The following MFSD2A variants were observed in gnomAD, a reference collection of about 807,000 sequenced individuals.
MFSD2A encodes the protein sodium-dependent lysophosphatidylcholine symporter 1.
MFSD2A carries 27 observed loss-of-function variants against 64.7 expected under a neutral mutation model. That is an observed-to-expected ratio of 0.42 (90% CI 0.31 to 0.58). MFSD2A has a LOEUF of 0.58. Among genes scored for constraint, MFSD2A ranks in the 20% least tolerant of loss-of-function variants. The pLI is 0.18. For synonymous variants in MFSD2A, 258 were observed against 273.4 expected, an observed-to-expected ratio of 0.94 and a Z score of 0.55; for missense variants, 474 against 679.5, an observed-to-expected ratio of 0.70 and a Z score of 3.36.
chr1:39,957,077 C>T lies in MFSD2A; in HGVS notation c.94-10C>T. On this transcript the variant is annotated splice_polypyrimidine_tract_variant and intron_variant, in intron 1 of 13. Transcript: ENST00000372811. The stretch of plus-strand genomic sequence containing the variant: ...ACCTTGGGCCTTTCATCTTTTCCTC[C>T]TCTTCCCAGAAAGAACCGAAAAAGA... The T allele has an allele frequency of 6.2e-7, 1 of 1,614,106 alleles. No individual in the cohort carries two copies. Among genetic ancestry groups the T allele is most frequent in the Admixed American group, 1.7e-5 (1 of 60,002 alleles).
intron 6 of MFSD2A, 127 bp downstream of exon 6, chr1:39,966,141 T>C (rs993942360): frequency 1.8e-6 from 2 of 1,092,926 alleles, no homozygotes; most frequent in Non-Finnish European, 2.6e-6. Context: ...ACATAACAAT[T>C]AATGCACCCA....
At chr1:39,961,830 T>C (rs551498858) in intron 3 of MFSD2A, among the ~76,000 whole-genome samples, 1 of 152,310 alleles carries the variant, frequency 6.6e-6, no homozygotes, top group African/African-American at 2.4e-5. Context: ...AAGACTTTGA[T>C]AGTCACTTTG....
intron 9 of MFSD2A, 195 bp from the exon 10 acceptor site, chr1:39,967,433 G>A (rs1645187751): frequency 7.9e-6 from 5 of 633,634 alleles, no homozygotes; most frequent in Non-Finnish European, 1.1e-5. Context: ...GAGGGCAGCA[G>A]ACAAGGTGGG....
Position 39,963,262 on chromosome 1 carries a change from G to T in MFSD2A, c.354-1949G>T. The T allele has an allele frequency of 6.7e-7, 1 of 1,483,530 alleles. No homozygotes were observed. Among genetic ancestry groups the T allele is most frequent in the Non-Finnish European group, 9.3e-7 (1 of 1,078,570 alleles). 91.9% of individuals were successfully genotyped at this position (1,483,530 alleles called of 1,614,324 possible). ...GCCACCCTGGGCAGCTTTGCCAAGG[G>T]CACCTTTGATGCCATCTCTAAGACC... On this transcript the variant is annotated intron_variant, in intron 3 of 13. Transcript: ENST00000372811. The surrounding 1 kb of genome is among the most constrained non-coding windows in gnomAD (Gnocchi z 4.2).
At chr1:39,969,392 G>C in intron 13 of MFSD2A, 113 bp from the exon 14 acceptor site, 1 of 827,418 alleles carries the variant, frequency 1.2e-6, no homozygotes, top group South Asian at 1.7e-5. Context: ...TGTGTCCCGC[G>C]GTTCACTTTA....
chr1:39,955,432 G>GCC lies in MFSD2A; in HGVS notation c.93+47_93+48insCC. ...TGGAGGGCGAGGGGAGGGAGGAGGC[G>GCC]GAAATGGGGGATCAGGGGCGTCCCG... On this transcript the variant is annotated intron_variant, in intron 1 of 13. Transcript: ENST00000372811. This position sits in a 1 kb window ranked among gnomAD's most constrained non-coding sequence, Gnocchi z 5.9. 6.7e-7 allele frequency: 1 copy of GCC among 1,493,752 alleles called. No homozygotes were observed. Among genetic ancestry groups the GCC allele is most frequent in the Admixed American group, 2.3e-5 (1 of 43,512 alleles). The allele number at this position is 1,493,752 out of a possible 1,614,324, so 92.5% of individuals were successfully genotyped here. A position where few individuals can be genotyped will look rare whatever the true frequency, so the allele number is the denominator to read the frequency against.
rs897968848 is a variant in MFSD2A, at chr1:39,965,847, C to T, written c.557-10C>T. 2.5e-6 allele frequency: 4 copies of T among 1,613,286 alleles called. No homozygotes were observed. The Admixed American group carries it at 6.7e-5, about 27-fold the overall frequency. ...AGGCCCCTCCAAAACACCTCCTTTT[C>T]TCCTGCCAGGGATGACTGTGGAAGT... On this transcript the variant is annotated splice_polypyrimidine_tract_variant and intron_variant, in intron 5 of 13. Coordinates refer to ENST00000372811, the MANE Select transcript of MFSD2A (RefSeq NM_032793.5). The surrounding 1 kb of genome is among the most constrained non-coding windows in gnomAD (Gnocchi z 5.5).
At chr1:39,961,531 T>C (rs1359346763) in intron 3 of MFSD2A, among the ~76,000 whole-genome samples, 1 of 151,878 alleles carries the variant, frequency 6.6e-6, no homozygotes, top group African/African-American at 2.4e-5. Flanking sequence ...GTATTTTTAG[T>C]AGAGACGAGG....
In MFSD2A at chr1:39,969,633, G is replaced by A. The variant is rs544792370; in HGVS notation, c.*65G>A. The A allele has an allele frequency of 8.5e-5, 126 of 1,476,844 alleles. 1 individual carries two copies. In the Admixed American group the frequency reaches 1.1e-3, roughly 12 times the overall value. The allele number at this position is 1,476,844 out of a possible 1,614,324, so 91.5% of individuals were successfully genotyped here. Reference sequence around the variant, plus strand: ...CAGAAGGGATCAGGACCTGTCTGCCGGCTTGCTGAGCAGCTGGACTGCAGG... The same window carrying A: ...CAGAAGGGATCAGGACCTGTCTGCCAGCTTGCTGAGCAGCTGGACTGCAGG... On this transcript the variant is annotated 3_prime_UTR_variant, in exon 14 of 14. Coordinates refer to ENST00000372811, the MANE Select transcript of MFSD2A (RefSeq NM_032793.5).
Position 39,968,343 on chromosome 1 carries a change from G to A in MFSD2A, c.1218G>A (p.Leu406=). The part of the protein sequence containing the change: ...AAAFLLPWSM[L]PDVIDDFHLK... ...TCACTACTCTGCGCAGGTCCATGCT[G>A]CCTGATGTCATTGACGACTTCCATC... is the stretch of plus-strand genomic sequence containing the variant. The change falls in exon 12 of 14, where the codon CTG becomes CTA. Residue 406 remains leucine (L), a synonymous_variant. Coordinates refer to ENST00000372811, the MANE Select transcript of MFSD2A (RefSeq NM_032793.5). The surrounding 1 kb of genome is among the most constrained non-coding windows in gnomAD (Gnocchi z 4.4). 6.2e-7 allele frequency: 1 copy of A among 1,614,160 alleles called. No individual in the cohort carries two copies.
At chr1:39,961,678 C>T in intron 3 of MFSD2A, among the ~76,000 whole-genome samples, 1 of 151,154 alleles carries the variant, frequency 6.6e-6, no homozygotes. Context: ...AAACAAAAAA[C>T]AAAAAAACAC....
At position 39,968,595 on chromosome 1, in the gene MFSD2A, G is replaced by C; in HGVS notation, c.1379G>C (p.Cys460Ser). 6.2e-7 allele frequency: 1 copy of C among 1,614,200 alleles called. No homozygotes were observed. Among genetic ancestry groups the C allele is most frequent in the Non-Finnish European group, 8.5e-7 (1 of 1,180,036 alleles). ...LDFAGYQTRG[C>S]SQPERVKFTL... is the part of the protein sequence containing the mutation. ...TTTGCAGGGTACCAGACCCGTGGCT[G>C]CTCGCAGCCGGAACGTGTCAAGTTT... Residue 460 changes from cysteine (C) to serine (S), a missense_variant, in exon 13 of 14, where the codon TGC (cysteine) becomes TCC (serine). Physicochemically the swap from Cys to Ser is moderately radical, Grantham distance 112 (BLOSUM62 -1). Coordinates refer to ENST00000372811, the MANE Select transcript of MFSD2A (RefSeq NM_032793.5). The surrounding 1 kb of genome is among the most constrained non-coding windows in gnomAD (Gnocchi z 4.4).
At chr1:39,962,813 G>A in intron 3 of MFSD2A, 1 of 1,275,476 alleles carries the variant, frequency 7.8e-7, no homozygotes, top group Non-Finnish European at 1.1e-6. Context: ...TGCCCATTAA[G>A]GGATCTGAGA....
intron 3 of MFSD2A, among the ~76,000 whole-genome samples, chr1:39,962,480 A>G (rs761416845): frequency 1.3e-5 from 2 of 152,260 alleles, no homozygotes; most frequent in Non-Finnish European, 2.9e-5. Flanking sequence ...GGTAAAGTAT[A>G]TGTAACATAA....
At chr1:39,967,310 T>C in intron 9 of MFSD2A, 141 bp downstream of exon 9, 2 of 778,000 alleles carry the variant, frequency 2.6e-6, no homozygotes, top group Non-Finnish European at 4.2e-6. Flanking sequence ...GGGTATTTGG[T>C]TGGACCTTGC....
chr1:39,969,719 G>A lies in MFSD2A; in HGVS notation c.*151G>A. 1.4e-6 allele frequency: 1 copy of A among 735,472 alleles called. No homozygotes were observed. The highest frequency in any genetic ancestry group is 3.7e-4 in the Middle Eastern group (1 of 2,716). 45.6% of individuals were successfully genotyped at this position (735,472 alleles called of 1,614,324 possible). Reference sequence around the variant, plus strand: ...CCAGGACACTTGCTGTGCTCACTGTGGGGCCGGCTGCTCTGTGGCCTCCTG... The same window carrying A: ...CCAGGACACTTGCTGTGCTCACTGTAGGGCCGGCTGCTCTGTGGCCTCCTG... On this transcript the variant is annotated 3_prime_UTR_variant, in exon 14 of 14. Transcript: ENST00000372811.
rs770356152 is a variant in MFSD2A at position 39,965,837 on chromosome 1, ACCT to A, written c.557-16_557-14del. 8 of 1,611,290 alleles carry A rather than the reference ACCT, an allele frequency of 5.0e-6. No individual in the cohort carries two copies. In the South Asian group the frequency reaches 5.5e-5, roughly 11 times the overall value. ...ACAATCCATGAGGCCCCTCCAAAAC[ACCT>A]CCTTTTCTCCTGCCAGGGATGACTG... is the stretch of plus-strand genomic sequence containing the variant. On this transcript the variant is annotated splice_polypyrimidine_tract_variant and intron_variant, in intron 5 of 13. Transcript: ENST00000372811. The surrounding 1 kb of genome is among the most constrained non-coding windows in gnomAD (Gnocchi z 5.5).
At chr1:39,967,397 A>G (rs1645187004) in intron 9 of MFSD2A, 1 of 626,014 alleles carries the variant, frequency 1.6e-6, no homozygotes, top group East Asian at 2.7e-5. Flanking sequence ...GGGCGAGGAC[A>G]CCAGGAACTT....
intron 2 of MFSD2A, among the ~76,000 whole-genome samples, chr1:39,957,491 A>C (rs182795669): frequency 1.3e-5 from 2 of 152,270 alleles, no homozygotes; most frequent in East Asian, 3.9e-4. Flanking sequence ...TAGGCGGTAG[A>C]ATGAGGGAGA....
Sources: allele counts gnomAD v4.1 joint callset (sites outside exome capture counted in the v4.1 genomes callset), GRCh38; gene constraint gnomAD v4.1.1; non-coding constraint Gnocchi (gnomAD v3.1); transcripts MANE v1.5; gene names NCBI Gene and HGNC (gene_info 2026-07-23, HGNC 2026-07-21).